The following TBC1D32 variants were observed in gnomAD, a reference collection of about 807,000 sequenced individuals.
The protein encoded by TBC1D32 is protein broad-minded.
A neutral mutation model predicts 170.3 loss-of-function variants in TBC1D32; 151 were observed. The observed-to-expected ratio is 0.89, with a 90% CI of 0.78 to 1.01. The LOEUF (loss-of-function observed/expected upper bound fraction) is 1.01, where lower values mean the gene tolerates loss of function less well. Ranked by LOEUF, TBC1D32 falls within the 50% of genes least tolerant of loss-of-function variation. TBC1D32 has a pLI of 0.00. For missense variants in TBC1D32, 1,464 were observed against 1,457.1 expected (o/e 1.00, Z -0.08); for synonymous variants, 498 against 488.0 (o/e 1.02, Z -0.27).
intron 24 of TBC1D32, among the ~76,000 whole-genome samples, chr6:121,150,719 G>A (rs565058423): frequency 2.7e-4 from 41 of 152,166 alleles, no homozygotes; most frequent in African/African-American, 9.9e-4. Flanking sequence ...ACTTCTTCCT[G>A]GTTTAGTCTT....
In TBC1D32 at chr6:121,308,006, C is replaced by T. The variant is rs200535338; in HGVS notation, c.660G>A (p.Val220=). The T allele has an allele frequency of 1.4e-5, 22 of 1,613,656 alleles. No homozygotes were observed. The highest frequency in any genetic ancestry group is 1.9e-5 in the Non-Finnish European group (22 of 1,179,836). The part of the protein sequence containing the change: ...NWTTLCEKLT[V]SLSDPDPVFS... ...ACACAGGATCAGGATCTGAAAGAGA[C>T]ACGGTCAGTTTTTCGCAGAGAGTAG... The change falls in exon 5 of 32, where the codon GTG becomes GTA. Residue 220 remains valine, a synonymous_variant. Transcript: ENST00000398212.
At chr6:121,294,302 T>C (rs1009251825) in intron 11 of TBC1D32, among the ~76,000 whole-genome samples, 1 of 152,174 alleles carries the variant, frequency 6.6e-6, no homozygotes, top group African/African-American at 2.4e-5. Context: ...TATAACAGAT[T>C]AGGATACATG....
intron 22 of TBC1D32, among the ~76,000 whole-genome samples, chr6:121,198,526 TG>T (rs1219727657): frequency 6.6e-6 from 1 of 150,548 alleles, no homozygotes; most frequent in Non-Finnish European, 1.5e-5. Flanking sequence ...CCGAGATGGA[TG>T]GATCACGAGC....
At position 121,080,910 on chromosome 6, in the gene TBC1D32, G is replaced by GA; in HGVS notation, c.3655-21dup. The GA allele has an allele frequency of 6.2e-7, 1 of 1,603,440 alleles. No homozygotes were observed. The highest frequency in any genetic ancestry group is 8.5e-7 in the Non-Finnish European group (1 of 1,176,664). On this transcript the variant is annotated intron_variant, in intron 31 of 31. Transcript: ENST00000398212. ...TTCTTCCTGCCAAAAATTACAAAGG[G>GA]AAAATTATTTACTTGAGTAAGACAC...
At chr6:121,133,893 A>C (rs28376537) in intron 24 of TBC1D32, among the ~76,000 whole-genome samples, 13,184 of 152,048 alleles carry the variant, frequency 0.087, 1,198 homozygotes, top group African/African-American at 0.24. Flanking sequence ...GCATTAAATC[A>C]AAAGAGAAAA....
At chr6:121,128,194 T>G (rs1312625589) in intron 25 of TBC1D32, among the ~76,000 whole-genome samples, 1 of 152,208 alleles carries the variant, frequency 6.6e-6, no homozygotes, top group Non-Finnish European at 1.5e-5. Context: ...GTTCTAGATT[T>G]CTACTGATGC....
intron 17 of TBC1D32, among the ~76,000 whole-genome samples, chr6:121,254,292 C>T (rs933429442): frequency 4.6e-5 from 7 of 152,178 alleles, no homozygotes; most frequent in Admixed American, 3.3e-4. Flanking sequence ...GTACAGTGTA[C>T]ACTGCTTGAG....
chr6:121,175,187 G>C (rs4946547), intron 22 of TBC1D32, among the ~76,000 whole-genome samples: 104,503 of 152,068 alleles, frequency 0.69, 41,083 homozygotes, highest in Non-Finnish European at 0.87. Flanking sequence ...AGAAGGTTTA[G>C]GGAGACACTT....
At chr6:121,334,512 C>G, upstream of TBC1D32, 1 of 1,471,972 alleles carries the variant, frequency 6.8e-7, no homozygotes, top group Non-Finnish European at 9.1e-7. Flanking sequence ...CGCACCCCCA[C>G]CCAGCCCCGG....
At chr6:121,103,013 G>A (rs1457344772) in intron 30 of TBC1D32, among the ~76,000 whole-genome samples, 1 of 152,122 alleles carries the variant, frequency 6.6e-6, no homozygotes, top group Non-Finnish European at 1.5e-5. Flanking sequence ...TCAGAGAAAT[G>A]CAAATCAAAA....
chr6:121,175,572 T>C (rs1787651610), intron 22 of TBC1D32, among the ~76,000 whole-genome samples: 1 of 152,216 alleles, frequency 6.6e-6, no homozygotes, highest in Non-Finnish European at 1.5e-5. Flanking sequence ...GACATCAATA[T>C]GTAACAGAAG....
chr6:121,263,263 G>A (rs74507402), intron 15 of TBC1D32, among the ~76,000 whole-genome samples: 4,886 of 151,532 alleles, frequency 0.032, 187 homozygotes, highest in East Asian at 0.12. Flanking sequence ...AGCAAATGGA[G>A]AGCAGAAAAA....
chr6:121,244,856 G>T (rs1797410561), intron 17 of TBC1D32, among the ~76,000 whole-genome samples: 1 of 152,156 alleles, frequency 6.6e-6, no homozygotes, highest in Non-Finnish European at 1.5e-5. Flanking sequence ...TAACACAAGG[G>T]ACATAAACTT....
intron 20 of TBC1D32, among the ~76,000 whole-genome samples, chr6:121,225,152 G>T (rs1307742274): frequency 6.6e-6 from 1 of 151,876 alleles, no homozygotes; most frequent in Non-Finnish European, 1.5e-5. Flanking sequence ...AAACTGGAGG[G>T]TTCATAGTCA....
chr6:121,178,898 G>T (rs965578843), intron 22 of TBC1D32, among the ~76,000 whole-genome samples: 144 of 152,154 alleles, frequency 9.5e-4, no homozygotes, highest in South Asian at 2.1e-4. Flanking sequence ...GAGTTAGGAA[G>T]CAGATCTTTC....
At chr6:121,253,441 C>T (rs112317526) in intron 17 of TBC1D32, among the ~76,000 whole-genome samples, 3 of 152,204 alleles carry the variant, frequency 2.0e-5, no homozygotes, top group East Asian at 3.9e-4. Context: ...AAGTCAAGGC[C>T]GGCACGGTGG....
chr6:121,270,757 T>G (rs555006164), intron 15 of TBC1D32, among the ~76,000 whole-genome samples: 1 of 152,236 alleles, frequency 6.6e-6, no homozygotes, highest in African/African-American at 2.4e-5. Context: ...TCTAACTCAT[T>G]TTATGAGGCC....
chr6:121,259,277 G>A (rs754088951), intron 15 of TBC1D32, among the ~76,000 whole-genome samples: 9 of 151,830 alleles, frequency 5.9e-5, no homozygotes, highest in African/African-American at 1.9e-4. Flanking sequence ...CAACCTGGGC[G>A]GCAGACTGAG....
At chr6:121,146,765 T>C (rs537221670) in intron 24 of TBC1D32, among the ~76,000 whole-genome samples, 23 of 152,352 alleles carry the variant, frequency 1.5e-4, no homozygotes, top group African/African-American at 4.8e-4. Flanking sequence ...TCCTAGGAAC[T>C]AATAATATAT....
Sources: gnomAD v4.1 joint callset for allele counts (sites outside exome capture counted in the v4.1 genomes callset) on GRCh38, gnomAD v4.1.1 for gene constraint, MANE v1.5 for transcripts, NCBI Gene and HGNC (gene_info 2026-07-23, HGNC 2026-07-21) for gene names.